Variants in ZNF287 observed in about 807,000 individuals in gnomAD.
ZNF287 encodes zinc finger protein with KRAB and SCAN domains 13.
ZNF287 carries 31 observed loss-of-function variants against 73.7 expected under a neutral mutation model. That is an observed-to-expected ratio of 0.42 (90% CI 0.32 to 0.57). ZNF287 has a LOEUF of 0.57. Among genes scored for constraint, ZNF287 ranks in the 20% least tolerant of loss-of-function variants. ZNF287 has a pLI of 0.13. For missense variants in ZNF287, 641 were observed against 909.3 expected (o/e 0.70, Z 3.79); for synonymous variants, 301 against 307.2 (o/e 0.98, Z 0.21).
chr17:16,553,517 C>T, intron 5 of ZNF287, 91 bp from the exon 6 acceptor site: 1 of 1,058,502 alleles, frequency 9.4e-7, no homozygotes, highest in East Asian at 2.9e-5. Context: ...AGATAAAATG[C>T]CCAAAGACAA....
At chr17:16,558,152 G>GTAGGTGTATT (rs1229604240) in intron 5 of ZNF287, 1 of 152,142 alleles carries the variant, frequency 6.6e-6, no homozygotes, top group East Asian at 1.9e-4. Flanking sequence ...TTAGTGTGCT[G>GTAGGTGTATT]TAGGTGTATT....
At chr17:16,554,412 G>A (rs1025736207) in intron 5 of ZNF287, among the ~76,000 whole-genome samples, 15 of 152,070 alleles carry the variant, frequency 9.9e-5, no homozygotes, top group Non-Finnish European at 2.1e-4. Context: ...GGCCTCAGGT[G>A]ATCCGCCTGC....
chr17:16,556,851 C>CTT (rs982289962), intron 5 of ZNF287, among the ~76,000 whole-genome samples: 1 of 145,372 alleles, frequency 6.9e-6, no homozygotes, highest in Non-Finnish European at 1.5e-5. Context: ...TATAAAAGCA[C>CTT]TTTTTTTTTT....
In ZNF287 at chr17:16,547,706, G is replaced by T. The variant is rs1906359280; in HGVS notation, c.*4150C>A. Among the ~76,000 whole-genome samples, 1 of 152,100 alleles carries T rather than the reference G, an allele frequency of 6.6e-6. No individual in the cohort carries two copies. Among genetic ancestry groups the T allele is most frequent in the South Asian group, 2.1e-4 (1 of 4,832 alleles). On this transcript the variant is annotated 3_prime_UTR_variant, in exon 6 of 6. Coordinates refer to ENST00000395825, the MANE Select transcript of ZNF287 (RefSeq NM_020653.4). The stretch of plus-strand genomic sequence containing the variant: ...ATAGCTACCTATTAAAAGGAGCCAG[G>T]GATTCTTGGAAAAAGGTTTCATTCC...
At position 16,548,794 on chromosome 17, in the gene ZNF287, C is replaced by T. The variant is rs186502032; in HGVS notation, c.*3062G>A. ...TGGCCTGGGTGACAGAGTGAGACTC[C>T]GTCTCAAAAAAAAGGAAAAACCAAA... On this transcript the variant is annotated 3_prime_UTR_variant, in exon 6 of 6. Transcript: ENST00000395825. Among the ~76,000 whole-genome samples the T allele has an allele frequency of 4.2e-4, 63 of 151,780 alleles. No individual in the cohort carries two copies. Among genetic ancestry groups the T allele is most frequent in the Middle Eastern group, 3.4e-3 (1 of 294 alleles).
chr17:16,568,177 C>T (rs1907868072), intron 1 of ZNF287: 1 of 159,978 alleles, frequency 6.3e-6, no homozygotes, highest in Non-Finnish European at 1.3e-5. Context: ...ACAGATTAAA[C>T]CTCTAACCTG....
chr17:16,555,998 TTATTAA>T (rs1333343914), intron 5 of ZNF287, among the ~76,000 whole-genome samples: 1 of 151,962 alleles, frequency 6.6e-6, no homozygotes, highest in Non-Finnish European at 1.5e-5. Context: ...AAGAGACTAG[TTATTAA>T]TAGAATAAGG....
Position 16,551,917 on chromosome 17 carries a change from G to A in ZNF287, c.2225C>T (p.Thr742Ile). 2 of 1,613,852 alleles carry A rather than the reference G, an allele frequency of 1.2e-6. No homozygotes were observed. Among genetic ancestry groups the A allele is most frequent in the Non-Finnish European group, 1.7e-6 (2 of 1,179,830 alleles). ...ATGCTGAATAAGGTTTGTACTCTGG[G>A]TGAAGGTTTTACCACATATACGACA... ...YACRICGKTF[T>I]QSTNLIQHQR... Residue 742 changes from threonine (T) to isoleucine (I), a missense_variant, in exon 6 of 6, where the codon ACC becomes ATC. Thr to Ile is a moderately conservative substitution (Grantham distance 89). Around this residue, in one of 2 missense-constraint regions of ZNF287, gnomAD observed 284 missense variants for 466.8 expected, o/e 0.61. Coordinates refer to ENST00000395825, the MANE Select transcript of ZNF287 (RefSeq NM_020653.4).
At position 16,547,268 on chromosome 17, in the gene ZNF287, C is replaced by T. The variant is rs917364998; in HGVS notation, c.*4588G>A. Reference sequence around the variant, plus strand: ...AGGAGGGCTATTAGCTTATAAACACCGTAAGTTATAGACATATAATAGTTA... The same window carrying T: ...AGGAGGGCTATTAGCTTATAAACACTGTAAGTTATAGACATATAATAGTTA... On this transcript the variant is annotated 3_prime_UTR_variant, in exon 6 of 6. Coordinates refer to ENST00000395825, the MANE Select transcript of ZNF287 (RefSeq NM_020653.4). Among the ~76,000 whole-genome samples the T allele has an allele frequency of 1.3e-5, 2 of 151,984 alleles. No homozygotes were observed. Among genetic ancestry groups the T allele is most frequent in the African/African-American group, 4.8e-5 (2 of 41,366 alleles).
Position 16,551,722 on chromosome 17 carries a change from C to G in ZNF287, c.*134G>C. The G allele has an allele frequency of 2.2e-6, 2 of 924,866 alleles. No individual in the cohort carries two copies. The highest frequency in any genetic ancestry group is 3.3e-6 in the Non-Finnish European group (2 of 611,912). The allele number at this position is 924,866 out of a possible 1,614,324, so 57.3% of individuals were successfully genotyped here. Reference sequence around the variant, plus strand: ...ATCTAAATAGGTTATATCCATACCACTACTTCTGATACTTCTGCTGAGTAT... The same window carrying G: ...ATCTAAATAGGTTATATCCATACCAGTACTTCTGATACTTCTGCTGAGTAT... On this transcript the variant is annotated 3_prime_UTR_variant, in exon 6 of 6. Transcript: ENST00000395825.
rs1324585159 is a variant in ZNF287 at position 16,563,557 on chromosome 17, C to T, written c.628+142G>A. On this transcript the variant is annotated intron_variant, in intron 4 of 5. Coordinates refer to ENST00000395825, the MANE Select transcript of ZNF287 (RefSeq NM_020653.4). ...ACTTAAGAACCTTTCATTTGGAAAA[C>T]GGGAGTAAAACAGTCACTTTCGTGC... 5.2e-6 allele frequency: 5 copies of T among 960,484 alleles called. No homozygotes were observed. In the South Asian group the frequency reaches 5.6e-5, roughly 11 times the overall value. 59.5% of individuals were successfully genotyped at this position (960,484 alleles called of 1,614,324 possible). A position where few individuals can be genotyped will look rare whatever the true frequency, so the allele number is the denominator to read the frequency against.
At chr17:16,554,356 T>C (rs2142464467) in intron 5 of ZNF287, among the ~76,000 whole-genome samples, 1 of 152,252 alleles carries the variant, frequency 6.6e-6, no homozygotes, top group East Asian at 1.9e-4. Flanking sequence ...CTATTTTTAA[T>C]AGAGACATGG....
Position 16,567,837 on chromosome 17 carries a change from T to C in ZNF287, c.-106A>G. On this transcript the variant is annotated 5_prime_UTR_variant, in exon 2 of 6. Transcript: ENST00000395825. ...GTCACAAGGACACTATATCAAAGGC[T>C]GCTGCAGCCGAGGGCAGAACAGAAT... 1 of 1,490,816 alleles carries C rather than the reference T, an allele frequency of 6.7e-7. No individual in the cohort carries two copies. The highest frequency in any genetic ancestry group is 2.4e-5 in the Admixed American group (1 of 42,450). 92.3% of individuals were successfully genotyped at this position (1,490,816 alleles called of 1,614,324 possible). A position where few individuals can be genotyped will look rare whatever the true frequency, so the allele number is the denominator to read the frequency against.
chr17:16,552,958 G>T lies in ZNF287; in HGVS notation c.1184C>A (p.Ser395Ter). Residue 395 changes from serine to a stop codon, truncating the protein, a stop_gained, in exon 6 of 6, where the codon TCG (serine) becomes TAG (stop). Coordinates refer to ENST00000395825, the MANE Select transcript of ZNF287 (RefSeq NM_020653.4). LOFTEE classifies it high-confidence loss of function. This position sits in a 1 kb window ranked among gnomAD's most constrained non-coding sequence, Gnocchi z 6.5. ...TTTCCCACATTCTTCACATTCATAC[G>T]ATTTCTCTTTGGCATGGGTACTTTG... Reference protein sequence around the residue: ...KHQSTHAKEKSYECEECGKEF... With the variant: ...KHQSTHAKEK 2 of 1,614,134 alleles carry T rather than the reference G, an allele frequency of 1.2e-6. No homozygotes were observed. The highest frequency in any genetic ancestry group is 1.1e-5 in the South Asian group (1 of 91,082).
At chr17:16,563,042 GC>G in intron 5 of ZNF287, 103 bp downstream of exon 5, 1 of 826,272 alleles carries the variant, frequency 1.2e-6, no homozygotes, top group Non-Finnish European at 2.0e-6. Context: ...AGGCTAGAAT[GC>G]CTTTGCAAAA....
chr17:16,563,214 G>A lies in ZNF287; in HGVS notation c.647C>T (p.Pro216Leu). ...TTCTTCCAATATGGGAATCACAGTT[G>A]GTCTGTACACTGTAAGTCCTGTTCA... ...MVSLGLTVYRPTVIPILEEPW... is the reference protein window; with the variant it reads ...MVSLGLTVYRLTVIPILEEPW... Residue 216 changes from proline to leucine, a missense_variant, in exon 5 of 6, where the codon CCA becomes CTA. Transcript: ENST00000395825. 6.2e-7 allele frequency: 1 copy of A among 1,612,974 alleles called. No homozygotes were observed. The highest frequency in any genetic ancestry group is 8.5e-7 in the Non-Finnish European group (1 of 1,179,388).
rs1407325629 is a variant in ZNF287, at chr17:16,547,240, G to A, written c.*4616C>T. On this transcript the variant is annotated 3_prime_UTR_variant, in exon 6 of 6. Transcript: ENST00000395825. ...AAATCTGCCTTAAGAGATGTGATGG[G>A]AAAGGAGGGCTATTAGCTTATAAAC... Among the ~76,000 whole-genome samples the A allele has an allele frequency of 6.6e-6, 1 of 152,130 alleles. No individual in the cohort carries two copies. Among genetic ancestry groups the A allele is most frequent in the East Asian group, 1.9e-4 (1 of 5,204 alleles).
intron 2 of ZNF287, among the ~76,000 whole-genome samples, chr17:16,566,905 A>C (rs1207891439): frequency 6.6e-6 from 1 of 152,242 alleles, no homozygotes; most frequent in Admixed American, 6.5e-5. Flanking sequence ...TTATCTCTTA[A>C]TAAGGGAATG....
chr17:16,561,650 G>A (rs1243570511), intron 5 of ZNF287, among the ~76,000 whole-genome samples: 4 of 152,036 alleles, frequency 2.6e-5, no homozygotes, highest in Non-Finnish European at 5.9e-5. Flanking sequence ...GAAACAATGA[G>A]GCAAATCTAA....
Sources: gnomAD v4.1 joint callset for allele counts (sites outside exome capture counted in the v4.1 genomes callset) on GRCh38, gnomAD v4.1.1 for gene constraint, gnomAD v4.1.1 regional missense constraint, Gnocchi (gnomAD v3.1) non-coding constraint, MANE v1.5 for transcripts, NCBI Gene and HGNC (gene_info 2026-07-23, HGNC 2026-07-21) for gene names.